The following PXDNL variants were observed in gnomAD, a reference collection of about 807,000 sequenced individuals.
PXDNL encodes the protein peroxidasin like.
In PXDNL, 145 loss-of-function variants were observed where a neutral mutation model predicts 150.8. The ratio of observed to expected loss-of-function variants is 0.96; its 90% CI spans 0.84 to 1.10. The LOEUF is 1.10. Among genes scored for constraint, PXDNL ranks in the 50% least tolerant of loss-of-function variants. PXDNL has a pLI of 0.00. For missense variants in PXDNL, 2,087 were observed against 1,873.9 expected (o/e 1.11, Z -2.10); for synonymous variants, 757 against 725.7 (o/e 1.04, Z -0.69).
intron 14 of PXDNL, among the ~76,000 whole-genome samples, chr8:51,419,963 G>T (rs1808904690): frequency 6.6e-6 from 1 of 152,122 alleles, no homozygotes; most frequent in African/African-American, 2.4e-5. Flanking sequence ...AGCTCTAAAG[G>T]GAAAATGAGC....
rs59745483 is a variant in PXDNL at position 51,600,454 on chromosome 8, G to C, written c.237-7756C>G. Among the ~76,000 whole-genome samples the C allele has an allele frequency of 1.5e-3, 180 of 117,970 alleles. 1 individual carries two copies. Among genetic ancestry groups the C allele is most frequent in the African/African-American group, 3.9e-3 (107 of 27,524 alleles). The allele number at this position is 117,970 out of a possible 152,430, so 77.4% of individuals were successfully genotyped here. The stretch of plus-strand genomic sequence containing the variant: ...AAATTATATCTTATATAAATTATAT[G>C]GTTTAGATAATAAATTATATCTTAT... On this transcript the variant is annotated intron_variant, in intron 2 of 22. Coordinates refer to ENST00000356297, the MANE Select transcript of PXDNL (RefSeq NM_144651.5).
chr8:51,620,713 T>TA (rs1247282732), intron 2 of PXDNL, among the ~76,000 whole-genome samples: 3 of 151,198 alleles, frequency 2.0e-5, no homozygotes, highest in Non-Finnish European at 4.4e-5. Flanking sequence ...CCGGCTAATT[T>TA]TTTTTTGTAC....
At chr8:51,403,114 A>G (rs1035724765) in intron 17 of PXDNL, among the ~76,000 whole-genome samples, 1 of 151,816 alleles carries the variant, frequency 6.6e-6, no homozygotes, top group Non-Finnish European at 1.5e-5. Flanking sequence ...GAAAAAGAAA[A>G]AGAAAAAAAA....
At chr8:51,488,764 G>T (rs184914680) in intron 5 of PXDNL, among the ~76,000 whole-genome samples, 3 of 152,094 alleles carry the variant, frequency 2.0e-5, no homozygotes, top group Non-Finnish European at 2.9e-5. Flanking sequence ...AATATCAATA[G>T]ACAATGAAGA....
intron 1 of PXDNL, among the ~76,000 whole-genome samples, chr8:51,718,180 T>C (rs926361390): frequency 3.9e-5 from 6 of 151,986 alleles, no homozygotes; most frequent in African/African-American, 1.2e-4. Flanking sequence ...AGGCCTGGGA[T>C]TGATTGTCCC....
At chr8:51,760,845 C>CTTTTTTTTTT (rs71237237) in intron 1 of PXDNL, among the ~76,000 whole-genome samples, 5,643 of 45,394 alleles carry the variant, frequency 0.12, 2,037 homozygotes, top group Non-Finnish European at 0.16. Flanking sequence ...ATCACTTAAA[C>CTTTTTTTTTT]TTTTTTTTTT....
At chr8:51,324,186 G>T (rs2130612837) in intron 21 of PXDNL, among the ~76,000 whole-genome samples, 1 of 152,250 alleles carries the variant, frequency 6.6e-6, no homozygotes, top group Non-Finnish European at 1.5e-5. Flanking sequence ...GAGTATTTTT[G>T]TAGATTCCTT....
intron 21 of PXDNL, among the ~76,000 whole-genome samples, chr8:51,332,870 G>A (rs1173259764): frequency 6.6e-6 from 1 of 152,218 alleles, no homozygotes; most frequent in Non-Finnish European, 1.5e-5. Context: ...AATAATCGGT[G>A]TTCCTTAGGA....
At chr8:51,547,770 A>G (rs1330515309) in intron 4 of PXDNL, among the ~76,000 whole-genome samples, 1 of 152,206 alleles carries the variant, frequency 6.6e-6, no homozygotes, top group African/African-American at 2.4e-5. Context: ...TTCTGAAAGT[A>G]TGACAAAACA....
chr8:51,768,923 G>A (rs149853972), intron 1 of PXDNL, among the ~76,000 whole-genome samples: 1,674 of 152,202 alleles, frequency 0.011, 21 homozygotes, highest in Middle Eastern at 0.027. Context: ...GTGAAACCCC[G>A]TCTCTACTAA....
chr8:51,607,894 A>AAGGG (rs1813874476), intron 2 of PXDNL, among the ~76,000 whole-genome samples: 1 of 91,394 alleles, frequency 1.1e-5, no homozygotes, highest in Non-Finnish European at 2.3e-5. Context: ...GGAAGGAAGG[A>AAGGG]AGGTGGGGAG....
chr8:51,350,518 C>G (rs1220587113), intron 19 of PXDNL, among the ~76,000 whole-genome samples: 1 of 151,976 alleles, frequency 6.6e-6, no homozygotes, highest in African/African-American at 2.4e-5. Context: ...CACTACCCGG[C>G]TAATTTTTGT....
chr8:51,756,501 T>C (rs2037103680), intron 1 of PXDNL, among the ~76,000 whole-genome samples: 1 of 152,024 alleles, frequency 6.6e-6, no homozygotes, highest in Admixed American at 6.6e-5. Flanking sequence ...AAATATTTCA[T>C]AGAAAACCTA....
chr8:51,409,680 C>T, intron 16 of PXDNL, 119 bp from the exon 17 acceptor site: 1 of 702,982 alleles, frequency 1.4e-6, no homozygotes, highest in Non-Finnish European at 2.2e-6. Context: ...GAAAAGAGGC[C>T]TTTCTTACTT....
intron 4 of PXDNL, among the ~76,000 whole-genome samples, chr8:51,512,154 C>G (rs1426510602): frequency 6.6e-6 from 1 of 152,050 alleles, no homozygotes; most frequent in South Asian, 2.1e-4. Flanking sequence ...GAAAACGGAA[C>G]AAGTATAGGG....
At chr8:51,520,430 C>A (rs1476196461) in intron 4 of PXDNL, among the ~76,000 whole-genome samples, 2 of 151,466 alleles carry the variant, frequency 1.3e-5, no homozygotes, top group Non-Finnish European at 2.9e-5. Context: ...TCACTCCACG[C>A]CGCACCAGGA....
rs78993521 is a variant in PXDNL at position 51,361,215 on chromosome 8, C to T, written c.3901+10658G>A. ...TTCAGAAAACACAACAGAAACTGGA[C>T]TGGATGCAGAATCACGTTGGATCTG... On this transcript the variant is annotated intron_variant, in intron 19 of 22. Transcript: ENST00000356297. 1.8e-4 allele frequency among the ~76,000 whole-genome samples: 28 copies of T among 152,262 alleles called. No homozygotes were observed. In the East Asian group the frequency reaches 4.8e-3, roughly 26 times the overall value.
chr8:51,601,222 T>C (rs1813714422), intron 2 of PXDNL, among the ~76,000 whole-genome samples: 1 of 151,912 alleles, frequency 6.6e-6, no homozygotes, highest in Non-Finnish European at 1.5e-5. Flanking sequence ...TATTCCGTAA[T>C]GTTTATTAGG....
intron 2 of PXDNL, among the ~76,000 whole-genome samples, chr8:51,611,497 TC>T (rs1563483205): frequency 6.6e-6 from 1 of 152,192 alleles, no homozygotes; most frequent in African/African-American, 2.4e-5. Flanking sequence ...TTGACTGTTT[TC>T]AAAGTTATGT....
Sources: allele counts gnomAD v4.1 joint callset (sites outside exome capture counted in the v4.1 genomes callset), GRCh38; gene constraint gnomAD v4.1.1; transcripts MANE v1.5; gene names NCBI Gene and HGNC (gene_info 2026-07-23, HGNC 2026-07-21).